Variants in ATP2B2 observed in about 807,000 individuals in gnomAD.
ATP2B2 encodes plasma membrane calcium-transporting ATPase 2.
In ATP2B2, 15 loss-of-function variants were observed where a neutral mutation model predicts 120.0. That is an observed-to-expected ratio of 0.12 (90% CI 0.08 to 0.19). ATP2B2 has a LOEUF of 0.19. Ranked by LOEUF, ATP2B2 falls within the 10% of genes least tolerant of loss-of-function variation. The pLI is 1.00. For missense variants in ATP2B2, 1,045 were observed against 1,719.8 expected, an observed-to-expected ratio of 0.61 and a Z score of 6.94; for synonymous variants, 694 against 700.3, an observed-to-expected ratio of 0.99 and a Z score of 0.14.
At chr3:10,690,432 A>ATATCTATCTATCTATCTATC (rs58646066) in intron 1 of ATP2B2, among the ~76,000 whole-genome samples, 2 of 148,804 alleles carry the variant, frequency 1.3e-5, no homozygotes, top group African/African-American at 2.5e-5. Flanking sequence ...ATCTATATCT[A>ATATCTATCTATCTATCTATC]TATCTATCTA....
In ATP2B2 at chr3:10,667,549, A is replaced by G. The variant is rs73815020; in HGVS notation, c.-460+40366T>C. Reference sequence around the variant, plus strand: ...GGAAGTCCCACTGAAGTGCCACGCCATCAGAATGCTCTGCCCATGAGCTAC... The same window carrying G: ...GGAAGTCCCACTGAAGTGCCACGCCGTCAGAATGCTCTGCCCATGAGCTAC... On this transcript the variant is annotated intron_variant, in intron 1 of 21. Transcript: ENST00000646379. 6.2e-3 allele frequency among the ~76,000 whole-genome samples: 948 copies of G among 152,358 alleles called. 4 individuals are homozygous for G. Among genetic ancestry groups the G allele is most frequent in the African/African-American group, 0.021 (875 of 41,586 alleles).
At chr3:10,516,261 C>T (rs941325577) in intron 3 of ATP2B2, among the ~76,000 whole-genome samples, 1 of 152,186 alleles carries the variant, frequency 6.6e-6, no homozygotes, top group African/African-American at 2.4e-5. Flanking sequence ...GGCCCCAGCC[C>T]CTGGGCCTCT....
chr3:10,605,199 G>A (rs1006790174), intron 2 of ATP2B2, among the ~76,000 whole-genome samples: 8 of 152,216 alleles, frequency 5.3e-5, no homozygotes, highest in African/African-American at 1.4e-4. Flanking sequence ...TTGTTCATGG[G>A]TGATGGGCAG....
rs546582623 is a variant in ATP2B2 at position 10,357,115 on chromosome 3, C to T, written c.2136+1576G>A. Among the ~76,000 whole-genome samples, 17 of 152,242 alleles carry T rather than the reference C, an allele frequency of 1.1e-4. No homozygotes were observed. In the South Asian group the frequency reaches 2.3e-3, roughly 20 times the overall value. ...CTAGGCTGTATGTCTAGGGCTGTTA[C>T]GTGTCCCTGGATCTAGGGTAATGAA... is the stretch of plus-strand genomic sequence containing the variant. On this transcript the variant is annotated intron_variant, in intron 14 of 22. Transcript: ENST00000360273.
chr3:10,424,332 C>G (rs776374316), intron 2 of ATP2B2, among the ~76,000 whole-genome samples: 16 of 152,202 alleles, frequency 1.1e-4, no homozygotes, highest in Admixed American at 3.3e-4. Context: ...GTCTTCACAC[C>G]CTATCATGTT....
chr3:10,350,588 G>C lies in ATP2B2; in HGVS notation c.2137-11C>G. ...GATGGCTTCTGGGACCTGGGCAGGA[G>C]GGCAGGGGCCATGGGGGAGGGCACC... On this transcript the variant is annotated splice_polypyrimidine_tract_variant and intron_variant, in intron 14 of 22. Coordinates refer to ENST00000360273, the MANE Select transcript of ATP2B2 (RefSeq NM_001001331.4). 1 of 1,610,242 alleles carries C rather than the reference G, an allele frequency of 6.2e-7. No individual in the cohort carries two copies.
chr3:10,467,561 G>A (rs996296969), intron 1 of ATP2B2, among the ~76,000 whole-genome samples: 2 of 152,242 alleles, frequency 1.3e-5, no homozygotes, highest in South Asian at 2.1e-4. Context: ...AAGTGGCCAC[G>A]GAAACTTGTG....
intron 1 of ATP2B2, among the ~76,000 whole-genome samples, chr3:10,464,474 A>G (rs563375114): frequency 4.3e-4 from 66 of 152,148 alleles, no homozygotes; most frequent in Non-Finnish European, 8.5e-4. Flanking sequence ...CCCACAGTCT[A>G]TGGCCCCCAC....
intron 5 of ATP2B2, among the ~76,000 whole-genome samples, chr3:10,398,359 C>T (rs527532671): frequency 4.6e-5 from 7 of 152,258 alleles, no homozygotes; most frequent in Admixed American, 1.3e-4. Flanking sequence ...CGTCTTCCAT[C>T]AACCCAGGCT....
At chr3:10,579,933 CA>C (rs2068348928) in intron 2 of ATP2B2, among the ~76,000 whole-genome samples, 1 of 152,206 alleles carries the variant, frequency 6.6e-6, no homozygotes, top group Non-Finnish European at 1.5e-5. Context: ...CCATTTGGCT[CA>C]AAAAAGTTTC....
intron 3 of ATP2B2, among the ~76,000 whole-genome samples, chr3:10,521,186 C>A (rs116095517): frequency 6.6e-6 from 1 of 152,238 alleles, no homozygotes; most frequent in African/African-American, 2.4e-5. Context: ...CCCTGTGTGA[C>A]CCACCTTAGT....
intron 2 of ATP2B2, among the ~76,000 whole-genome samples, chr3:10,591,066 T>C (rs1264619454): frequency 6.6e-6 from 1 of 151,852 alleles, no homozygotes; most frequent in Non-Finnish European, 1.5e-5. Flanking sequence ...TGCCTACAAC[T>C]GGAATAACTA....
chr3:10,333,873 A>G (rs551783705), intron 22 of ATP2B2, among the ~76,000 whole-genome samples: 5 of 152,270 alleles, frequency 3.3e-5, no homozygotes, highest in Non-Finnish European at 7.4e-5. Context: ...CTTTTCCAAG[A>G]CTGTTCCAAA....
chr3:10,619,371 T>C lies in ATP2B2; in HGVS notation c.-415+546A>G, dbSNP rs543892685. Among the ~76,000 whole-genome samples, 27 of 152,154 alleles carry C rather than the reference T, an allele frequency of 1.8e-4. No homozygotes were observed. In the South Asian group the frequency reaches 5.6e-3, roughly 32 times the overall value. On this transcript the variant is annotated intron_variant, in intron 2 of 21. Coordinates refer to the ATP2B2 transcript ENST00000646379. ...CAGGCTCCCAGGCCCCATCCAGGCTTCCCCTTCTCAAGGCTTCAAACCGAA... is the reference window on the plus strand; with the variant it reads ...CAGGCTCCCAGGCCCCATCCAGGCTCCCCCTTCTCAAGGCTTCAAACCGAA...
intron 1 of ATP2B2, among the ~76,000 whole-genome samples, chr3:10,680,350 G>T (rs2071353631): frequency 6.6e-6 from 1 of 151,894 alleles, no homozygotes; most frequent in South Asian, 2.1e-4. Context: ...TGGTAGGTTG[G>T]CCTATGGAGG....
intron 3 of ATP2B2, among the ~76,000 whole-genome samples, chr3:10,518,578 C>T (rs2066920372): frequency 2.6e-5 from 4 of 152,270 alleles, no homozygotes; most frequent in Admixed American, 1.3e-4. Flanking sequence ...TCTGGCTTCA[C>T]CTGAGCCCAC....
chr3:10,624,225 G>T (rs1027130590), intron 1 of ATP2B2, among the ~76,000 whole-genome samples: 1 of 152,146 alleles, frequency 6.6e-6, no homozygotes, highest in Non-Finnish European at 1.5e-5. Context: ...GGGAATGGTG[G>T]CCTCAAAGAT....
intron 1 of ATP2B2, among the ~76,000 whole-genome samples, chr3:10,667,747 G>C (rs1452241025): frequency 2.0e-5 from 3 of 151,782 alleles, no homozygotes; most frequent in Non-Finnish European, 4.4e-5. Flanking sequence ...CCAGCAGCGT[G>C]CTCTGAGTAG....
At chr3:10,641,746 A>C (rs976268666) in intron 1 of ATP2B2, among the ~76,000 whole-genome samples, 3 of 152,146 alleles carry the variant, frequency 2.0e-5, no homozygotes, top group Non-Finnish European at 4.4e-5. Flanking sequence ...CCGGGAAAGG[A>C]GGGCATGGAG....
Sources: allele counts gnomAD v4.1 joint callset (sites outside exome capture counted in the v4.1 genomes callset), GRCh38; gene constraint gnomAD v4.1.1; transcripts MANE v1.5; gene names NCBI Gene and HGNC (gene_info 2026-07-23, HGNC 2026-07-21).